Variants in ADARB2 observed in about 807,000 individuals in gnomAD.
ADARB2 encodes the protein adenosine deaminase RNA specific B2 (inactive).
In ADARB2, 25 loss-of-function variants were observed where a neutral mutation model predicts 62.2. The ratio of observed to expected loss-of-function variants is 0.40; its 90% CI spans 0.29 to 0.56. The LOEUF is 0.56. ADARB2 is among the 20% of genes least tolerant of loss of function. The pLI is 0.43. For synonymous variants in ADARB2, 572 were observed against 500.8 expected (o/e 1.14, Z -1.90); for missense variants, 1,071 against 1,077.4 (o/e 0.99, Z 0.08).
At chr10:1,246,024 G>A (rs11250360) in intron 4 of ADARB2, among the ~76,000 whole-genome samples, 40,628 of 149,022 alleles carry the variant, frequency 0.27, 6,451 homozygotes, top group South Asian at 0.5. Context: ...TTTAATGATT[G>A]CCATTCTAAC....
chr10:1,515,136 C>T (rs1831992861), intron 1 of ADARB2, among the ~76,000 whole-genome samples: 1 of 151,970 alleles, frequency 6.6e-6, no homozygotes, highest in African/African-American at 2.4e-5. Context: ...ACATCATTAA[C>T]AAAAAAAGAA....
At chr10:1,653,572 G>GTCTCCACCAGACA (rs1834140420) in intron 1 of ADARB2, among the ~76,000 whole-genome samples, 1 of 142,406 alleles carries the variant, frequency 7.0e-6, no homozygotes, top group South Asian at 2.1e-4. Context: ...TCCACCCCAC[G>GTCTCCACCAGACA]CCTCATGTGC....
intron 1 of ADARB2, among the ~76,000 whole-genome samples, chr10:1,697,616 C>A (rs1417006963): frequency 6.6e-6 from 1 of 152,216 alleles, no homozygotes; most frequent in Admixed American, 6.5e-5. Context: ...AAATTGGCTG[C>A]TTTGTGTGTC....
At chr10:1,734,746 C>T (rs1181489536) in intron 1 of ADARB2, among the ~76,000 whole-genome samples, 1 of 152,174 alleles carries the variant, frequency 6.6e-6, no homozygotes, top group African/African-American at 2.4e-5. Context: ...AATTCCTTAA[C>T]AGTCTCTCAT....
intron 3 of ADARB2, among the ~76,000 whole-genome samples, chr10:1,305,129 G>A (rs975665438): frequency 7.0e-5 from 10 of 142,678 alleles, no homozygotes; most frequent in African/African-American, 1.8e-4. Flanking sequence ...TTTTTGAAAG[G>A]ATCAACAAAA....
At chr10:1,689,282 A>T (rs1834637545) in intron 1 of ADARB2, among the ~76,000 whole-genome samples, 2 of 152,146 alleles carry the variant, frequency 1.3e-5, no homozygotes, top group African/African-American at 4.8e-5. Context: ...GTTTGATGAT[A>T]AATTAGGCAC....
chr10:1,618,535 C>T (rs1425095434), intron 1 of ADARB2, among the ~76,000 whole-genome samples: 1 of 132,892 alleles, frequency 7.5e-6, no homozygotes, highest in Non-Finnish European at 1.6e-5. Context: ...AGTACAGTGT[C>T]ACTAGGTTTA....
In ADARB2 at chr10:1,364,014, C is replaced by T. The variant is rs1007057749; in HGVS notation, c.188-97G>A. On this transcript the variant is annotated intron_variant, in intron 2 of 9. Transcript: ENST00000381312. Reference sequence around the variant, plus strand: ...CTGAGGGTCCCCGTCCCAGCGACCTCGCCGCCCGCGCCCCCAGGTCAGGCC... The same window carrying T: ...CTGAGGGTCCCCGTCCCAGCGACCTTGCCGCCCGCGCCCCCAGGTCAGGCC... 99 of 1,371,908 alleles carry T rather than the reference C, an allele frequency of 7.2e-5. No individual in the cohort carries two copies. In the African/African-American group the frequency reaches 1.4e-3, roughly 19 times the overall value. The allele number at this position is 1,371,908 out of a possible 1,614,324, so 85.0% of individuals were successfully genotyped here.
intron 6 of ADARB2, among the ~76,000 whole-genome samples, chr10:1,227,518 C>T (rs57723512): frequency 2.6e-5 from 4 of 152,304 alleles, no homozygotes; most frequent in South Asian, 2.1e-4. Flanking sequence ...AGCTGTAGAC[C>T]GGAGCTGTTC....
intron 3 of ADARB2, among the ~76,000 whole-genome samples, chr10:1,357,587 C>A (rs1832208401): frequency 6.6e-6 from 1 of 152,176 alleles, no homozygotes; most frequent in African/African-American, 2.4e-5. Context: ...CTGGTAACCC[C>A]TTGCAAGGAG....
At chr10:1,476,464 G>T (rs1394973754) in intron 1 of ADARB2, among the ~76,000 whole-genome samples, 1 of 152,336 alleles carries the variant, frequency 6.6e-6, no homozygotes, top group East Asian at 1.9e-4. Context: ...GTTCTTGGGG[G>T]ATAAATTCCA....
intron 1 of ADARB2, among the ~76,000 whole-genome samples, chr10:1,415,056 G>T (rs986908508): frequency 1.3e-5 from 2 of 151,928 alleles, no homozygotes; most frequent in Admixed American, 1.3e-4. Flanking sequence ...GGGAATGTTT[G>T]GGTGGATCAT....
chr10:1,233,593 C>T, intron 6 of ADARB2, 101 bp downstream of exon 6: 1 of 1,291,496 alleles, frequency 7.7e-7, no homozygotes, highest in Non-Finnish European at 1.0e-6. Flanking sequence ...GGGCCCCACA[C>T]ACCGCGCCCC....
intron 1 of ADARB2, among the ~76,000 whole-genome samples, chr10:1,706,870 CCA>C (rs1834895964): frequency 9.5e-6 from 1 of 104,742 alleles, no homozygotes; most frequent in African/African-American, 3.1e-5. Context: ...TCCAGGGACA[CCA>C]GAGTGGTGAA....
intron 1 of ADARB2, among the ~76,000 whole-genome samples, chr10:1,735,564 A>C (rs1343316348): frequency 6.6e-6 from 1 of 152,226 alleles, no homozygotes; most frequent in Non-Finnish European, 1.5e-5. Context: ...AGTCATATTC[A>C]TTATTCAATC....
intron 2 of ADARB2, among the ~76,000 whole-genome samples, chr10:1,377,965 C>G (rs1434820760): frequency 4.6e-5 from 7 of 152,220 alleles, no homozygotes; most frequent in Non-Finnish European, 7.3e-5. Flanking sequence ...CCCACTGCCT[C>G]TTGTTGGTCT....
At chr10:1,278,885 C>T (rs1049479671) in intron 3 of ADARB2, among the ~76,000 whole-genome samples, 7 of 152,184 alleles carry the variant, frequency 4.6e-5, no homozygotes, top group Non-Finnish European at 7.3e-5. Flanking sequence ...TTTGCATTTT[C>T]GTGGTCCTGC....
At chr10:1,299,000 C>T (rs1831549560) in intron 3 of ADARB2, among the ~76,000 whole-genome samples, 2 of 151,838 alleles carry the variant, frequency 1.3e-5, no homozygotes, top group Non-Finnish European at 2.9e-5. Flanking sequence ...CTGCCTTGGC[C>T]TCCCAAACTG....
rs113429976 is a variant in ADARB2 at position 1,548,961 on chromosome 10, G to A, written c.101-169801C>T. The stretch of plus-strand genomic sequence containing the variant: ...GTTAAGGTGATCTGGCTGGGCCACA[G>A]GGGCGGGGGAGAGAGGCGTTGGTTT... On this transcript the variant is annotated intron_variant, in intron 1 of 9. Transcript: ENST00000381312. Among the ~76,000 whole-genome samples, 952 of 152,324 alleles carry A rather than the reference G, an allele frequency of 6.2e-3. 6 individuals are homozygous for A. Among genetic ancestry groups the A allele is most frequent in the African/African-American group, 0.018 (728 of 41,564 alleles).
Sources: allele counts gnomAD v4.1 joint callset (sites outside exome capture counted in the v4.1 genomes callset), GRCh38; gene constraint gnomAD v4.1.1; transcripts MANE v1.5; gene names NCBI Gene and HGNC (gene_info 2026-07-23, HGNC 2026-07-21).